The following SEMA4D variants were observed in gnomAD, a reference collection of about 807,000 sequenced individuals.
SEMA4D encodes semaphorin 4D.
SEMA4D carries 22 observed loss-of-function variants against 74.8 expected under a neutral mutation model. The observed-to-expected ratio is 0.29, with a 90% CI of 0.21 to 0.42. SEMA4D has a LOEUF of 0.42. SEMA4D is among the 10% of genes least tolerant of loss of function. The pLI, the probability that SEMA4D is intolerant of heterozygous loss-of-function variation, is 1.00. For missense variants in SEMA4D, 937 were observed against 1,118.4 expected (o/e 0.84, Z 2.31); for synonymous variants, 445 against 463.7 (o/e 0.96, Z 0.52).
exon 18 of SEMA4D, chr9:89,363,483 T>G (rs1588051782): frequency 6.2e-7 from 1 of 1,614,072 alleles, no homozygotes; most frequent in Non-Finnish European, 8.5e-7. Context: ...GCCACAGCCC[T>G]CCAGGCAGAG....
downstream of SEMA4D, among the ~76,000 whole-genome samples, chr9:89,374,263 C>T (rs145064058): frequency 3.3e-3 from 501 of 152,378 alleles, 2 homozygotes; most frequent in Non-Finnish European, 5.6e-3. Context: ...CTACCCTCTA[C>T]ACACTACTCC....
chr9:89,371,867 G>GT (rs372568969), intron 16 of SEMA4D, among the ~76,000 whole-genome samples: 1 of 52,786 alleles, frequency 1.9e-5, no homozygotes, highest in Non-Finnish European at 3.8e-5. Flanking sequence ...AGGTGTGTGT[G>GT]GGGGGGTGTG....
intron 13 of SEMA4D, chr9:89,384,860 T>C (rs1838072642): frequency 1.0e-6 from 1 of 985,212 alleles, no homozygotes; most frequent in African/African-American, 1.7e-5. Context: ...GCCATGGCCA[T>C]GGAGCTGGGC....
At chr9:89,430,315 C>T (rs1230868283) in intron 2 of SEMA4D, among the ~76,000 whole-genome samples, 25 of 152,176 alleles carry the variant, frequency 1.6e-4, no homozygotes, top group Admixed American at 1.6e-3. Flanking sequence ...CAACCACATA[C>T]ACACTGTGTC....
intron 1 of SEMA4D, among the ~76,000 whole-genome samples, chr9:89,486,885 T>C (rs1825240361): frequency 6.6e-6 from 1 of 151,898 alleles, no homozygotes; most frequent in Non-Finnish European, 1.5e-5. Flanking sequence ...ACCACTGCAC[T>C]CCAGCCTGGA....
intron 2 of SEMA4D, among the ~76,000 whole-genome samples, chr9:89,417,076 C>T (rs1021637036): frequency 6.6e-6 from 1 of 152,136 alleles, no homozygotes; most frequent in Non-Finnish European, 1.5e-5. Flanking sequence ...TAATACAGCA[C>T]AGAATGGATA....
At chr9:89,405,730 C>A in intron 2 of SEMA4D, 31 bp from the exon 3 acceptor site, 1 of 1,396,674 alleles carries the variant, frequency 7.2e-7, no homozygotes, top group Non-Finnish European at 9.3e-7. Context: ...AAAGGCAGGA[C>A]CCATGGTGAG....
chr9:89,451,175 G>C (rs774922340), intron 2 of SEMA4D, among the ~76,000 whole-genome samples: 16 of 152,044 alleles, frequency 1.1e-4, no homozygotes, highest in Admixed American at 9.8e-4. Flanking sequence ...CATCTATTTG[G>C]GGGCTTTTTC....
intron 16 of SEMA4D, among the ~76,000 whole-genome samples, chr9:89,370,037 CTGTG>C (rs936603810): frequency 2.0e-5 from 3 of 149,728 alleles, no homozygotes; most frequent in East Asian, 2.1e-4. Flanking sequence ...GTATGCTGTG[CTGTG>C]TGTGGTGCAT....
At chr9:89,387,169 T>G in intron 12 of SEMA4D, 1 of 531,498 alleles carries the variant, frequency 1.9e-6, no homozygotes, top group Non-Finnish European at 3.3e-6. Context: ...CATTTTTATT[T>G]TTAACAAGTA....
Position 89,396,923 on chromosome 9 carries a change from C to A in SEMA4D, c.316-88G>T. 2.5e-6 allele frequency: 3 copies of A among 1,179,868 alleles called. No homozygotes were observed. In the South Asian group the frequency reaches 4.1e-5, roughly 16 times the overall value. 73.1% of individuals were successfully genotyped at this position (1,179,868 alleles called of 1,614,324 possible). A position where few individuals can be genotyped will look rare whatever the true frequency, so the allele number is the denominator to read the frequency against. ...CTGCTCACGCCGTTCATCTCAGGGGCACAGACCCACATTCACCAACACCAG... is the reference window on the plus strand; with the variant it reads ...CTGCTCACGCCGTTCATCTCAGGGGAACAGACCCACATTCACCAACACCAG... On this transcript the variant is annotated intron_variant, in intron 5 of 15. Coordinates refer to ENST00000422704, the MANE Select transcript of SEMA4D (RefSeq NM_001371194.2).
At chr9:89,489,121 T>C (rs1825429164) in intron 1 of SEMA4D, among the ~76,000 whole-genome samples, 2 of 152,230 alleles carry the variant, frequency 1.3e-5, no homozygotes, top group Non-Finnish European at 2.9e-5. Context: ...CAACAGCAAG[T>C]GTTGGCACAG....
In SEMA4D at chr9:89,461,700, C is replaced by CTCTCTCTTTTTTTTTTTTTTT. The variant is rs71281350; in HGVS notation, c.-309-5748_-309-5747insAAAAAAAAAAAAAAAGAGAGA. ...GGGCCAATGTGTATTTCTTTTTTCT[C>CTCTCTCTTTTTTTTTTTTTTT]TTTTTTTTTTTTTTTTTTTGGAGAC... is the stretch of plus-strand genomic sequence containing the variant. On this transcript the variant is annotated intron_variant, in intron 1 of 15. Coordinates refer to ENST00000422704, the MANE Select transcript of SEMA4D (RefSeq NM_001371194.2). Among the ~76,000 whole-genome samples the CTCTCTCTTTTTTTTTTTTTTT allele has an allele frequency of 1.8e-3, 182 of 103,632 alleles. 1 individual carries two copies. Among genetic ancestry groups the CTCTCTCTTTTTTTTTTTTTTT allele is most frequent in the Admixed American group, 2.4e-3 (23 of 9,428 alleles). 68.0% of individuals were successfully genotyped at this position (103,632 alleles called of 152,430 possible). A position where few individuals can be genotyped will look rare whatever the true frequency, so the allele number is the denominator to read the frequency against.
At chr9:89,413,410 A>G (rs1384331120) in intron 2 of SEMA4D, among the ~76,000 whole-genome samples, 1 of 152,226 alleles carries the variant, frequency 6.6e-6, no homozygotes, top group African/African-American at 2.4e-5. Context: ...CACTGTGCAT[A>G]CATGTCTGCG....
At chr9:89,382,967 C>T (rs1398081331) in intron 13 of SEMA4D, among the ~76,000 whole-genome samples, 1 of 152,190 alleles carries the variant, frequency 6.6e-6, no homozygotes, top group East Asian at 1.9e-4. Flanking sequence ...GAGACTCAGC[C>T]CCAGCTTCCG....
intron 1 of SEMA4D, among the ~76,000 whole-genome samples, chr9:89,461,700 C>CTCTTTTTGTTT: frequency 9.6e-6 from 1 of 103,646 alleles, no homozygotes; most frequent in Non-Finnish European, 1.9e-5. Context: ...TCTTTTTTCT[C>CTCTTTTTGTTT]TTTTTTTTTT....
intron 2 of SEMA4D, among the ~76,000 whole-genome samples, chr9:89,437,645 C>T (rs999387268): frequency 1.3e-5 from 2 of 152,218 alleles, no homozygotes; most frequent in African/African-American, 4.8e-5. Context: ...CACAGGTTCC[C>T]GGTGCTGCCT....
intron 2 of SEMA4D, among the ~76,000 whole-genome samples, chr9:89,421,519 C>T (rs1846952445): frequency 6.6e-6 from 1 of 152,178 alleles, no homozygotes; most frequent in African/African-American, 2.4e-5. Flanking sequence ...CCCATGTGTG[C>T]AATATGACTG....
intron 1 of SEMA4D, among the ~76,000 whole-genome samples, chr9:89,456,321 AG>A (rs1855919361): frequency 6.6e-6 from 1 of 152,262 alleles, no homozygotes; most frequent in Non-Finnish European, 1.5e-5. Context: ...GGAGGCAGCC[AG>A]GGTGGGCCAA....
Sources: gnomAD v4.1 joint callset for allele counts (sites outside exome capture counted in the v4.1 genomes callset) on GRCh38, gnomAD v4.1.1 for gene constraint, MANE v1.5 for transcripts, NCBI Gene and HGNC (gene_info 2026-07-23, HGNC 2026-07-21) for gene names.